Variants in DGKB observed in about 807,000 individuals in gnomAD.
DGKB encodes 90 kDa diacylglycerol kinase.
In DGKB, 67 loss-of-function variants were observed where a neutral mutation model predicts 114.3. The observed-to-expected ratio is 0.59, with a 90% CI of 0.48 to 0.72. The LOEUF is 0.72. DGKB is among the 30% of genes least tolerant of loss of function. DGKB has a pLI of 0.00. For synonymous variants in DGKB, 398 were observed against 323.1 expected, an observed-to-expected ratio of 1.23 and a Z score of -2.49; for missense variants, 907 against 975.2, an observed-to-expected ratio of 0.93 and a Z score of 0.93.
intron 2 of DGKB, among the ~76,000 whole-genome samples, chr7:14,825,873 C>T (rs1159246620): frequency 6.6e-6 from 1 of 152,156 alleles, no homozygotes; most frequent in Non-Finnish European, 1.5e-5. Flanking sequence ...ATTATATCAA[C>T]AAATGATAAA....
At chr7:14,153,581 C>T (rs1450905331) in intron 25 of DGKB, among the ~76,000 whole-genome samples, 3 of 151,946 alleles carry the variant, frequency 2.0e-5, no homozygotes, top group Non-Finnish European at 2.9e-5. Flanking sequence ...ATCTCCTGGG[C>T]CCTCCTTGCT....
intron 23 of DGKB, among the ~76,000 whole-genome samples, chr7:14,245,089 T>A (rs1584695104): frequency 6.6e-6 from 1 of 152,082 alleles, no homozygotes; most frequent in East Asian, 1.9e-4. Flanking sequence ...GAAGATGTCA[T>A]GAGTAAATCT....
chr7:14,570,278 GT>G (rs1180737573), intron 20 of DGKB, among the ~76,000 whole-genome samples: 1 of 151,802 alleles, frequency 6.6e-6, no homozygotes, highest in Non-Finnish European at 1.5e-5. Context: ...AATTTTTGTT[GT>G]TGTTGTTACT....
intron 21 of DGKB, among the ~76,000 whole-genome samples, chr7:14,384,326 C>T (rs1446255406): frequency 1.3e-5 from 2 of 152,112 alleles, no homozygotes; most frequent in Non-Finnish European, 2.9e-5. Context: ...GCTTACAGGC[C>T]AAGTTTGTCT....
At chr7:14,156,285 T>G (rs531524023) in intron 25 of DGKB, among the ~76,000 whole-genome samples, 1 of 152,258 alleles carries the variant, frequency 6.6e-6, no homozygotes, top group Admixed American at 6.5e-5. Context: ...TATAGAATTA[T>G]TATATTAGAG....
intron 9 of DGKB, among the ~76,000 whole-genome samples, chr7:14,689,389 A>G (rs1822410722): frequency 6.6e-6 from 1 of 151,638 alleles, no homozygotes; most frequent in Admixed American, 6.6e-5. Flanking sequence ...GTTAGCCAGG[A>G]TGGTATCACC....
At chr7:14,500,575 C>T (rs1315707671) in intron 20 of DGKB, among the ~76,000 whole-genome samples, 2 of 151,322 alleles carry the variant, frequency 1.3e-5, no homozygotes, top group Admixed American at 6.6e-5. Context: ...TTTCTACCTC[C>T]ATGTTTTTAA....
intron 21 of DGKB, among the ~76,000 whole-genome samples, chr7:14,443,891 A>G (rs1279282976): frequency 6.6e-6 from 1 of 151,740 alleles, no homozygotes; most frequent in Non-Finnish European, 1.5e-5. Context: ...CTCACCTTCT[A>G]TTTATCATTT....
chr7:14,851,362 G>A (rs542514954), intron 1 of DGKB, among the ~76,000 whole-genome samples: 133 of 152,216 alleles, frequency 8.7e-4, no homozygotes, highest in African/African-American at 3.0e-3. Flanking sequence ...TGTTAAGAAA[G>A]TTCCTTCAAG....
chr7:14,196,747 C>T (rs1360611742), intron 23 of DGKB, among the ~76,000 whole-genome samples: 1 of 151,706 alleles, frequency 6.6e-6, no homozygotes, highest in Admixed American at 6.6e-5. Context: ...TATCTAGTCA[C>T]CTTATGACTC....
intron 20 of DGKB, among the ~76,000 whole-genome samples, chr7:14,565,138 G>C (rs985014884): frequency 6.6e-6 from 1 of 152,162 alleles, no homozygotes; most frequent in South Asian, 2.1e-4. Flanking sequence ...TGCAAACAGA[G>C]GTTTGCATCA....
intron 8 of DGKB, among the ~76,000 whole-genome samples, chr7:14,695,358 C>A (rs1438963424): frequency 6.6e-6 from 1 of 151,830 alleles, no homozygotes; most frequent in African/African-American, 2.4e-5. Context: ...GTCTCAAATC[C>A]CATGGGCCTC....
chr7:14,396,907 C>T (rs550554072), intron 21 of DGKB, among the ~76,000 whole-genome samples: 7 of 152,012 alleles, frequency 4.6e-5, no homozygotes, highest in Non-Finnish European at 1.0e-4. Context: ...CAGAGGAAGA[C>T]GAATTTCTAA....
chr7:14,447,817 G>A (rs957723000), intron 21 of DGKB, among the ~76,000 whole-genome samples: 4 of 152,054 alleles, frequency 2.6e-5, no homozygotes, highest in Non-Finnish European at 5.9e-5. Context: ...TGTATCAGAA[G>A]CTTTTTCTTG....
intron 20 of DGKB, among the ~76,000 whole-genome samples, chr7:14,567,200 A>ATATATTATATATTTATATAT (rs1797558333): frequency 1.3e-5 from 1 of 79,886 alleles, no homozygotes; most frequent in African/African-American, 5.5e-5. Context: ...TTTATATATT[A>ATATATTATATATTTATATAT]TATATATTAT....
intron 2 of DGKB, among the ~76,000 whole-genome samples, chr7:14,801,026 G>T (rs908491914): frequency 6.6e-6 from 1 of 152,066 alleles, no homozygotes; most frequent in African/African-American, 2.4e-5. Flanking sequence ...AAGGAAAAAA[G>T]GACTGTAATG....
intron 1 of DGKB, among the ~76,000 whole-genome samples, chr7:14,878,761 A>AAC (rs1554325473): frequency 4.7e-5 from 7 of 149,724 alleles, no homozygotes; most frequent in African/African-American, 1.3e-4. Flanking sequence ...AAAACAAAAA[A>AAC]AAAAAAACAA....
At chr7:14,799,422 T>C (rs756612207) in intron 2 of DGKB, among the ~76,000 whole-genome samples, 1 of 152,214 alleles carries the variant, frequency 6.6e-6, no homozygotes, top group Non-Finnish European at 1.5e-5. Flanking sequence ...TAACTGGATG[T>C]AGGAGGCAAG....
chr7:14,829,616 T>C (rs10085569), intron 2 of DGKB, among the ~76,000 whole-genome samples: 68,438 of 151,920 alleles, frequency 0.45, 15,758 homozygotes, highest in Non-Finnish European at 0.49. Flanking sequence ...AGATGGATTC[T>C]TTGAGGGATT....
Sources: allele counts gnomAD v4.1 joint callset (sites outside exome capture counted in the v4.1 genomes callset), GRCh38; gene constraint gnomAD v4.1.1; transcripts MANE v1.5; gene names NCBI Gene and HGNC (gene_info 2026-07-23, HGNC 2026-07-21).